Variants in RELCH observed in about 807,000 individuals in gnomAD.
The protein encoded by RELCH is RAB11-binding protein RELCH.
Under a neutral mutation model 150.3 loss-of-function variants are expected in RELCH, and 41 were observed. The observed-to-expected ratio is 0.27, with a 90% CI of 0.21 to 0.35. The LOEUF is 0.35. Among genes scored for constraint, RELCH ranks in the 10% least tolerant of loss-of-function variants. The probability of loss-of-function intolerance (pLI) is 1.00; values close to 1 mark genes in which losing one functional copy is unlikely to be tolerated. For synonymous variants in RELCH, 478 were observed against 531.8 expected, an observed-to-expected ratio of 0.90 and a Z score of 1.39; for missense variants, 1,092 against 1,467.8, an observed-to-expected ratio of 0.74 and a Z score of 4.18.
At chr18:62,295,333 T>TC (rs1193004086) in intron 27 of RELCH, among the ~76,000 whole-genome samples, 1 of 151,316 alleles carries the variant, frequency 6.6e-6, no homozygotes, top group Admixed American at 6.6e-5. Context: ...TTTTTTTTTT[T>TC]TCTCTTTCTT....
chr18:62,233,325 T>A (rs186889909), intron 10 of RELCH, among the ~76,000 whole-genome samples: 138 of 151,998 alleles, frequency 9.1e-4, no homozygotes, highest in African/African-American at 3.0e-3. Context: ...TATTGTTATC[T>A]TCTTAATATT....
In RELCH at chr18:62,309,061, G is replaced by A. The variant is rs1568463829; in HGVS notation, c.*3527G>A. ...TCAAGACTAGCCTGACCAACATGGT[G>A]AAACCGTCTCTACTAAAAATACAAA... On this transcript the variant is annotated 3_prime_UTR_variant, in exon 29 of 29. Transcript: ENST00000644646. 6.6e-6 allele frequency: 1 copy of A among 151,986 alleles called. No homozygotes were observed. Among genetic ancestry groups the A allele is most frequent in the Non-Finnish European group, 1.5e-5 (1 of 67,998 alleles). 9.4% of individuals were successfully genotyped at this position (151,986 alleles called of 1,614,324 possible). A position where few individuals can be genotyped will look rare whatever the true frequency, so the allele number is the denominator to read the frequency against.
chr18:62,223,106 T>C (rs1389246046), intron 5 of RELCH, among the ~76,000 whole-genome samples: 2 of 150,990 alleles, frequency 1.3e-5, no homozygotes, highest in East Asian at 1.9e-4. Flanking sequence ...CCAAAGTAAG[T>C]AGAAGAAAGG....
In RELCH at chr18:62,257,928, A is replaced by C; in HGVS notation, c.1897-20A>C. The C allele has an allele frequency of 6.4e-7, 1 of 1,570,422 alleles. No individual in the cohort carries two copies. Among genetic ancestry groups the C allele is most frequent in the Non-Finnish European group, 8.7e-7 (1 of 1,155,696 alleles). Reference sequence around the variant, plus strand: ...CTGTGCTTAGGTGTAAATAAATAGTAAAAACATGTTTATTTTCAGAAAGAA... The same window carrying C: ...CTGTGCTTAGGTGTAAATAAATAGTCAAAACATGTTTATTTTCAGAAAGAA... On this transcript the variant is annotated intron_variant, in intron 13 of 28. Coordinates refer to ENST00000644646, the MANE Select transcript of RELCH (RefSeq NM_001346231.2).
chr18:62,309,731 T>C lies in RELCH; in HGVS notation c.*4197T>C, dbSNP rs1208266820. 6.6e-6 allele frequency: 1 copy of C among 152,202 alleles called. No individual in the cohort carries two copies. The highest frequency in any genetic ancestry group is 2.4e-5 in the African/African-American group (1 of 41,450). The allele number at this position is 152,202 out of a possible 1,614,324, so 9.4% of individuals were successfully genotyped here. A position where few individuals can be genotyped will look rare whatever the true frequency, so the allele number is the denominator to read the frequency against. Reference sequence around the variant, plus strand: ...ATCTACATGGAGAACTATATTACTATTTTAATTCCTTTTATTCCATTACAG... The same window carrying C: ...ATCTACATGGAGAACTATATTACTACTTTAATTCCTTTTATTCCATTACAG... On this transcript the variant is annotated 3_prime_UTR_variant, in exon 29 of 29. Coordinates refer to ENST00000644646, the MANE Select transcript of RELCH (RefSeq NM_001346231.2).
chr18:62,258,759 A>G, intron 15 of RELCH, 83 bp downstream of exon 15: 1 of 947,088 alleles, frequency 1.1e-6, no homozygotes, highest in East Asian at 3.0e-5. Context: ...TAGAGAACAG[A>G]GACAGAAAGT....
intron 22 of RELCH, among the ~76,000 whole-genome samples, chr18:62,279,121 A>T (rs1447427940): frequency 1.3e-5 from 2 of 152,192 alleles, no homozygotes; most frequent in Admixed American, 1.3e-4. Context: ...TCAAGAGGTT[A>T]TGGAAAATAC....
intron 1 of RELCH, among the ~76,000 whole-genome samples, chr18:62,203,396 G>A (rs931304356): frequency 3.3e-5 from 5 of 152,270 alleles, no homozygotes; most frequent in East Asian, 1.9e-4. Flanking sequence ...GGCGGAGGTT[G>A]CAGTGAGCCG....
At chr18:62,304,518 C>A (rs1272992877) in intron 28 of RELCH, among the ~76,000 whole-genome samples, 1 of 152,210 alleles carries the variant, frequency 6.6e-6, no homozygotes, top group East Asian at 1.9e-4. Context: ...TTGACATGTT[C>A]AAACACATTA....
At chr18:62,291,137 A>T (rs2045108538) in intron 26 of RELCH, among the ~76,000 whole-genome samples, 1 of 152,242 alleles carries the variant, frequency 6.6e-6, no homozygotes, top group Non-Finnish European at 1.5e-5. Flanking sequence ...ATAGTTAAAC[A>T]GCAATGTTTT....
chr18:62,264,705 ATTTT>A lies in RELCH; in HGVS notation c.2508-22_2508-19del. ...AGTAATTTATATGTATCCCCTGCCTATTTTTCTTTCCTTTCATATTCAGGTTGCC... is the reference window on the plus strand; with the variant it reads ...AGTAATTTATATGTATCCCCTGCCTATCTTTCCTTTCATATTCAGGTTGCC... On this transcript the variant is annotated intron_variant, in intron 17 of 28. Coordinates refer to ENST00000644646, the MANE Select transcript of RELCH (RefSeq NM_001346231.2). 2 of 1,545,878 alleles carry A rather than the reference ATTTT, an allele frequency of 1.3e-6. No homozygotes were observed. Among genetic ancestry groups the A allele is most frequent in the Non-Finnish European group, 1.8e-6 (2 of 1,132,686 alleles).
At chr18:62,278,332 TTCTA>T (rs1390354416) in intron 22 of RELCH, among the ~76,000 whole-genome samples, 21 of 152,310 alleles carry the variant, frequency 1.4e-4, no homozygotes, top group African/African-American at 4.8e-4. Context: ...TCCTATTTCT[TTCTA>T]TCCAATATCT....
chr18:62,249,632 A>G (rs527743063), intron 11 of RELCH, among the ~76,000 whole-genome samples: 5 of 152,178 alleles, frequency 3.3e-5, no homozygotes, highest in South Asian at 4.1e-4. Context: ...CTGGTCTTAG[A>G]GTCTATTTTC....
intron 9 of RELCH, 137 bp from the exon 10 acceptor site, chr18:62,232,195 G>A: frequency 3.4e-6 from 2 of 596,130 alleles, no homozygotes. Context: ...TGTTGTTGTT[G>A]TTGTTGTTAT....
intron 21 of RELCH, among the ~76,000 whole-genome samples, chr18:62,274,535 G>C (rs1177454691): frequency 6.6e-6 from 1 of 152,152 alleles, no homozygotes; most frequent in African/African-American, 2.4e-5. Flanking sequence ...TCATGCATTT[G>C]TTAATAATAC....
At chr18:62,252,975 C>G (rs1322725773) in intron 12 of RELCH, among the ~76,000 whole-genome samples, 2 of 152,058 alleles carry the variant, frequency 1.3e-5, no homozygotes, top group Non-Finnish European at 2.9e-5. Context: ...ATTTCAGTGC[C>G]AGGTACTGAG....
chr18:62,252,858 A>G, intron 12 of RELCH, 104 bp downstream of exon 12: 1 of 788,600 alleles, frequency 1.3e-6, no homozygotes, highest in East Asian at 2.7e-5. Context: ...TGGGATATAA[A>G]TTATGCTGAT....
chr18:62,219,500 TAAA>T (rs369704293), intron 2 of RELCH, among the ~76,000 whole-genome samples: 2 of 137,214 alleles, frequency 1.5e-5, no homozygotes, highest in Non-Finnish European at 1.6e-5. Flanking sequence ...TTTTAAAATG[TAAA>T]AAAAAAAAAA....
At chr18:62,282,076 A>C (rs2044545918) in intron 24 of RELCH, among the ~76,000 whole-genome samples, 1 of 152,170 alleles carries the variant, frequency 6.6e-6, no homozygotes, top group Non-Finnish European at 1.5e-5. Flanking sequence ...TTGTTCAGGA[A>C]TATTTGTATT....
Sources: allele counts gnomAD v4.1 joint callset (sites outside exome capture counted in the v4.1 genomes callset), GRCh38; gene constraint gnomAD v4.1.1; transcripts MANE v1.5; gene names NCBI Gene and HGNC (gene_info 2026-07-23, HGNC 2026-07-21).